The following ACTR3C variants were observed in gnomAD, a reference collection of about 807,000 sequenced individuals.
ACTR3C encodes actin related protein 3C, also known as actin-related protein 3C.
ACTR3C carries 18 observed loss-of-function variants against 26.3 expected under a neutral mutation model. The observed-to-expected ratio is 0.68, with a 90% CI of 0.47 to 1.01. The LOEUF (loss-of-function observed/expected upper bound fraction) is 1.01, where lower values mean the gene tolerates loss of function less well. Among genes scored for constraint, ACTR3C ranks in the 50% least tolerant of loss-of-function variants. The pLI is 0.00. For missense variants in ACTR3C, 184 were observed against 250.7 expected, an observed-to-expected ratio of 0.73 and a Z score of 1.80; for synonymous variants, 55 against 94.5, an observed-to-expected ratio of 0.58 and a Z score of 2.42.
chr7:150,196,353 ATATT>A, the ACTR3C span, among the ~76,000 whole-genome samples: 2 of 152,134 alleles, frequency 1.3e-5, no homozygotes, highest in African/African-American at 2.4e-5. Flanking sequence ...ATCCATCTTT[ATATT>A]TATTAATGGT....
chr7:149,885,658 T>C, the ACTR3C span, among the ~76,000 whole-genome samples: 99,492 of 152,170 alleles, frequency 0.65, 33,761 homozygotes, highest in African/African-American at 0.83. Context: ...GTCAGCATTT[T>C]GTCCTCTGAC....
the ACTR3C span, among the ~76,000 whole-genome samples, chr7:149,943,376 A>C: frequency 2.0e-5 from 3 of 151,442 alleles, no homozygotes; most frequent in Non-Finnish European, 4.4e-5. Flanking sequence ...GCCATTTCAG[A>C]AGCACCCATC....
the ACTR3C span, among the ~76,000 whole-genome samples, chr7:150,165,665 G>A: frequency 7.0e-6 from 1 of 141,848 alleles, no homozygotes; most frequent in African/African-American, 2.6e-5. Context: ...CAGCTGGAGT[G>A]GCCCCCTTTC....
intron 6 of ACTR3C, among the ~76,000 whole-genome samples, chr7:150,252,918 A>G (rs61319261): frequency 0.013 from 1,945 of 147,970 alleles, 51 homozygotes; most frequent in African/African-American, 0.049. Flanking sequence ...TCAATTGTGG[A>G]TGATATTTAT....
the ACTR3C span, among the ~76,000 whole-genome samples, chr7:150,218,739 CA>C: frequency 2.3e-5 from 3 of 129,256 alleles, no homozygotes; most frequent in African/African-American, 9.2e-5. Flanking sequence ...CAATACTCTA[CA>C]GTCCAATTCT....
intron 6 of ACTR3C, among the ~76,000 whole-genome samples, chr7:150,260,209 C>T (rs1376290305): frequency 6.6e-6 from 1 of 152,136 alleles, no homozygotes; most frequent in African/African-American, 2.4e-5. Flanking sequence ...AAAAGTTTGC[C>T]AATCTTTGGT....
chr7:150,318,507 T>C (rs1797165362), intron 1 of ACTR3C, among the ~76,000 whole-genome samples: 1 of 152,214 alleles, frequency 6.6e-6, no homozygotes, highest in Non-Finnish European at 1.5e-5. Flanking sequence ...CTCACGCCTG[T>C]AATCCCAGCA....
chr7:150,082,578 G>A, the ACTR3C span, among the ~76,000 whole-genome samples: 1 of 152,094 alleles, frequency 6.6e-6, no homozygotes, highest in Admixed American at 6.6e-5. Context: ...CCCTGCTGTG[G>A]CTACCACATA....
chr7:150,040,791 C>T, the ACTR3C span: 4 of 147,070 alleles, frequency 2.7e-5, no homozygotes, highest in South Asian at 2.2e-4. Context: ...TCTCAGTCCC[C>T]GCCTTGCGGG....
intron 1 of ACTR3C, among the ~76,000 whole-genome samples, chr7:150,305,520 C>G (rs949524480): frequency 6.6e-6 from 1 of 152,180 alleles, no homozygotes; most frequent in African/African-American, 2.4e-5. Context: ...TCACCCTAAC[C>G]AAGTCAGGTC....
In ACTR3C at chr7:150,251,283, A is replaced by T. The variant is rs189236375; in HGVS notation, c.565-2229T>A. On this transcript the variant is annotated intron_variant, in intron 6 of 7. Transcript: ENST00000683684. ...TCGTGTTCAACACTAAATTCTGATT[A>T]CTTTATTGGTTGTTATTTTTCATAA... Among the ~76,000 whole-genome samples, 48 of 152,346 alleles carry T rather than the reference A, an allele frequency of 3.2e-4. No homozygotes were observed. The East Asian group carries it at 4.1e-3, about 13-fold the overall frequency.
At chr7:150,091,845 G>A in the ACTR3C span, among the ~76,000 whole-genome samples, 15 of 151,026 alleles carry the variant, frequency 9.9e-5, no homozygotes, top group Middle Eastern at 3.4e-3. Flanking sequence ...AAAATTAGCC[G>A]GGCGTGGTGG....
the ACTR3C span, among the ~76,000 whole-genome samples, chr7:150,115,460 G>A: frequency 6.6e-6 from 1 of 152,204 alleles, no homozygotes; most frequent in African/African-American, 2.4e-5. Flanking sequence ...CTAAAGCTGT[G>A]AGCTAGTGCT....
chr7:150,224,100 A>C, the ACTR3C span, among the ~76,000 whole-genome samples: 1 of 152,194 alleles, frequency 6.6e-6, no homozygotes, highest in African/African-American at 2.4e-5. Flanking sequence ...AATCACAATC[A>C]TGTATAACCT....
chr7:150,197,099 G>A, the ACTR3C span, among the ~76,000 whole-genome samples: 10 of 152,112 alleles, frequency 6.6e-5, no homozygotes, highest in African/African-American at 2.4e-4. Flanking sequence ...TGGACACGGG[G>A]CAGTAGAGTC....
At chr7:150,221,885 C>A in the ACTR3C span, among the ~76,000 whole-genome samples, 2 of 151,462 alleles carry the variant, frequency 1.3e-5, no homozygotes, top group African/African-American at 4.9e-5. Flanking sequence ...GTAGTCCTAG[C>A]TACTCGGGAG....
At chr7:150,123,229 A>G in the ACTR3C span, among the ~76,000 whole-genome samples, 1 of 152,154 alleles carries the variant, frequency 6.6e-6, no homozygotes, top group African/African-American at 2.4e-5. Flanking sequence ...AACTTAAAGT[A>G]TAATAAAAAA....
chr7:150,121,621 TAAG>T, the ACTR3C span, among the ~76,000 whole-genome samples: 1 of 149,594 alleles, frequency 6.7e-6, no homozygotes, highest in Non-Finnish European at 1.5e-5. Flanking sequence ...TAGTCATGGA[TAAG>T]AAGAATCAAT....
the ACTR3C span, among the ~76,000 whole-genome samples, chr7:150,035,474 T>G: frequency 4.0e-5 from 4 of 98,848 alleles, no homozygotes; most frequent in African/African-American, 1.2e-4. Context: ...GCGATGGGGG[T>G]AGTAACAGCC....
Sources: gnomAD v4.1 joint callset for allele counts (sites outside exome capture counted in the v4.1 genomes callset) on GRCh38, gnomAD v4.1.1 for gene constraint, MANE v1.5 for transcripts, NCBI Gene and HGNC (gene_info 2026-07-23, HGNC 2026-07-21) for gene names.